The following DMXL1 variants were observed in gnomAD, a reference collection of about 807,000 sequenced individuals.
The protein encoded by DMXL1 is dmX-like protein 1.
DMXL1 carries 99 observed loss-of-function variants against 319.2 expected under a neutral mutation model. The observed-to-expected ratio is 0.31, with a 90% confidence interval of 0.26 to 0.37. The LOEUF is 0.37. Among genes scored for constraint, DMXL1 ranks in the 10% least tolerant of loss-of-function variants. The pLI, the probability that DMXL1 is intolerant of heterozygous loss-of-function variation, is 1.00. For missense variants in DMXL1, 3,745 were observed against 3,595.6 expected (o/e 1.04, Z -1.06); for synonymous variants, 1,385 against 1,235.2 (o/e 1.12, Z -2.54).
At chr5:119,144,342 GC>G (rs560599719) in intron 14 of DMXL1, among the ~76,000 whole-genome samples, 193 bp from the exon 15 acceptor site, 86 of 151,908 alleles carry the variant, frequency 5.7e-4, no homozygotes, top group African/African-American at 2.0e-3. Context: ...TGTAATGAAA[GC>G]AAATCATCTT....
intron 9 of DMXL1, among the ~76,000 whole-genome samples, chr5:119,123,118 C>G (rs1048274096): frequency 6.6e-6 from 1 of 152,070 alleles, no homozygotes; most frequent in Non-Finnish European, 1.5e-5. Context: ...CCGGCCAACA[C>G]AGCGAAATCC....
At chr5:119,229,030 C>A (rs924035225) in intron 38 of DMXL1, among the ~76,000 whole-genome samples, 1 of 151,088 alleles carries the variant, frequency 6.6e-6, no homozygotes, top group Non-Finnish European at 1.5e-5. Context: ...AAAACAAAAT[C>A]TCGGCTGGGC....
At chr5:119,205,675 A>G (rs1781616441) in intron 33 of DMXL1, among the ~76,000 whole-genome samples, 1 of 152,072 alleles carries the variant, frequency 6.6e-6, no homozygotes, top group Non-Finnish European at 1.5e-5. Context: ...CTTGATAGTG[A>G]TACTCTTAAA....
intron 19 of DMXL1, among the ~76,000 whole-genome samples, chr5:119,162,120 A>C (rs1455798366): frequency 6.6e-6 from 1 of 152,026 alleles, no homozygotes; most frequent in African/African-American, 2.4e-5. Context: ...GGATCTAGGG[A>C]ATTTTCTTCT....
At chr5:119,100,457 G>C (rs1369311025) in intron 2 of DMXL1, 1 of 151,266 alleles carries the variant, frequency 6.6e-6, no homozygotes, top group Non-Finnish European at 1.5e-5. Context: ...AAAAAAGAAG[G>C]AAATGTCATA....
intron 14 of DMXL1, 145 bp downstream of exon 14, chr5:119,144,075 ATAT>A (rs908226635): frequency 5.7e-6 from 3 of 525,102 alleles, no homozygotes; most frequent in Non-Finnish European, 1.0e-5. Context: ...AATAGATAAC[ATAT>A]TATTGTATAT....
chr5:119,242,236 A>G (rs1441750648), intron 42 of DMXL1, among the ~76,000 whole-genome samples: 1 of 152,234 alleles, frequency 6.6e-6, no homozygotes, highest in African/African-American at 2.4e-5. Context: ...TATCTATTGA[A>G]TAAACCACAT....
At chr5:119,189,353 T>C (rs1419072427) in intron 28 of DMXL1, among the ~76,000 whole-genome samples, 1 of 152,180 alleles carries the variant, frequency 6.6e-6, no homozygotes, top group Non-Finnish European at 1.5e-5. Context: ...TGACATCCCA[T>C]GATAATCTTT....
chr5:119,166,022 C>T (rs1307824312), intron 21 of DMXL1, among the ~76,000 whole-genome samples: 1 of 152,228 alleles, frequency 6.6e-6, no homozygotes, highest in Non-Finnish European at 1.5e-5. Flanking sequence ...AAAACTATCT[C>T]CTTCCTGTGG....
chr5:119,090,021 T>TGGAAGGGC (rs1754381202), intron 1 of DMXL1, among the ~76,000 whole-genome samples: 1 of 91,546 alleles, frequency 1.1e-5, no homozygotes, highest in African/African-American at 4.8e-5. Flanking sequence ...TTTTTTTTTT[T>TGGAAGGGC]TTTTTTTTTT....
In DMXL1 at chr5:119,071,399, G is replaced by A. The variant is rs561327176; in HGVS notation, c.-171G>A. 1.6e-6 allele frequency: 1 copy of A among 622,298 alleles called. No homozygotes were observed. The highest frequency in any genetic ancestry group is 2.0e-5 in the South Asian group (1 of 50,708). 38.5% of individuals were successfully genotyped at this position (622,298 alleles called of 1,614,324 possible). A position where few individuals can be genotyped will look rare whatever the true frequency, so the allele number is the denominator to read the frequency against. On this transcript the variant is annotated 5_prime_UTR_variant, in exon 1 of 44. Transcript: ENST00000539542. The stretch of plus-strand genomic sequence containing the variant: ...CTCCGGGCCTCGCCCTCCGGGGCTC[G>A]GGATGAGTCGCGGGCCCCAGCTGAG...
Position 119,244,562 on chromosome 5 carries a change from G to A in DMXL1, c.8908G>A (p.Glu2970Lys), listed in dbSNP as rs779085810. 3.7e-5 allele frequency: 60 copies of A among 1,613,710 alleles called. No homozygotes were observed. The highest frequency in any genetic ancestry group is 4.7e-5 in the Non-Finnish European group (56 of 1,179,814). Reference sequence around the variant, plus strand: ...AGAGTACTTTGTTACAGGATCTGCCGAAGGCAATATAAAGGTAAACACAGT... The same window carrying A: ...AGAGTACTTTGTTACAGGATCTGCCAAAGGCAATATAAAGGTAAACACAGT... Reference protein sequence around the residue: ...TEEYFVTGSAEGNIKIWSLST... With the variant: ...TEEYFVTGSAKGNIKIWSLST... The change falls in exon 43 of 44, where the codon GAA becomes AAA. Residue 2970 changes from glutamate to lysine, a missense_variant. Physicochemically the swap from Glu to Lys is moderately conservative, Grantham distance 56. Transcript: ENST00000539542.
intron 34 of DMXL1, among the ~76,000 whole-genome samples, chr5:119,210,757 GT>G: frequency 6.0e-3 from 542 of 89,764 alleles, no homozygotes; most frequent in African/African-American, 0.02. Flanking sequence ...TTTTTCTTTC[GT>G]TTTTTTTTTT....
At chr5:119,205,459 CAGG>C (rs1387739732) in intron 33 of DMXL1, among the ~76,000 whole-genome samples, 4 of 151,870 alleles carry the variant, frequency 2.6e-5, no homozygotes, top group Non-Finnish European at 2.9e-5. Context: ...TTATTTTAAT[CAGG>C]AGCATGAATA....
rs1276482650 is a variant in DMXL1 at position 119,122,323 on chromosome 5, C to A, written c.1102+1184C>A. The stretch of plus-strand genomic sequence containing the variant: ...TGGCCGGGCGGGGGGCTGACCCCCC[C>A]ACCTCCCTCCCGGAGGGGGCGGCTG... On this transcript the variant is annotated intron_variant, in intron 9 of 43. Transcript: ENST00000539542. Among the ~76,000 whole-genome samples, 6 of 147,228 alleles carry A rather than the reference C, an allele frequency of 4.1e-5. No individual in the cohort carries two copies. The East Asian group carries it at 1.3e-3, about 31-fold the overall frequency.
At position 119,218,103 on chromosome 5, in the gene DMXL1, G is replaced by A. The variant is rs140299652; in HGVS notation, c.8013+1116G>A. On this transcript the variant is annotated intron_variant, in intron 35 of 43. Transcript: ENST00000539542. ...TCAAATACAAAATTATTGGCCAGGT[G>A]TGGTTGCTCACACCTGTCATCCCAA... 1.4e-4 allele frequency among the ~76,000 whole-genome samples: 21 copies of A among 152,188 alleles called. 1 individual carries two copies. In the East Asian group the frequency reaches 2.9e-3, roughly 21 times the overall value.
At chr5:119,096,536 T>TA (rs1029958679) in intron 1 of DMXL1, among the ~76,000 whole-genome samples, 19 of 152,188 alleles carry the variant, frequency 1.2e-4, no homozygotes, top group African/African-American at 4.6e-4. Context: ...AGAGAGTTGA[T>TA]AAAAACTTTA....
At chr5:119,158,750 T>G (rs1771635930) in intron 19 of DMXL1, among the ~76,000 whole-genome samples, 3 of 152,244 alleles carry the variant, frequency 2.0e-5, no homozygotes, top group African/African-American at 7.2e-5. Context: ...TCATATGGTT[T>G]TGTCCTTAAT....
intron 19 of DMXL1, among the ~76,000 whole-genome samples, chr5:119,158,021 T>A (rs1413969349): frequency 8.5e-5 from 13 of 152,168 alleles, no homozygotes. Flanking sequence ...ATCAATATTT[T>A]ATAGTTTTTA....
Sources: gnomAD v4.1 joint callset for allele counts (sites outside exome capture counted in the v4.1 genomes callset) on GRCh38, gnomAD v4.1.1 for gene constraint, MANE v1.5 for transcripts, NCBI Gene and HGNC (gene_info 2026-07-23, HGNC 2026-07-21) for gene names.